Variants in TMEM156 observed in about 807,000 individuals in gnomAD.
TMEM156 encodes transmembrane protein 156.
In TMEM156, 28 loss-of-function variants were observed where a neutral mutation model predicts 30.5. The ratio of observed to expected loss-of-function variants is 0.92; its 90% CI spans 0.68 to 1.26. TMEM156 has a LOEUF of 1.26. Among genes scored for constraint, TMEM156 ranks in the 50% most tolerant of loss-of-function variants. The probability of loss-of-function intolerance (pLI) is 0.00; values close to 1 mark genes in which losing one functional copy is unlikely to be tolerated. For missense variants in TMEM156, 351 were observed against 340.6 expected, an observed-to-expected ratio of 1.03 and a Z score of -0.24; for synonymous variants, 137 against 119.9, an observed-to-expected ratio of 1.14 and a Z score of -0.93.
chr4:39,029,998 A>ATTCAAAAAG lies in TMEM156; in HGVS notation c.88+2227_88+2228insCTTTTTGAA, dbSNP rs1715423140. Reference sequence around the variant, plus strand: ...ACCACTAAATAATGTAAAAGAAGACAGTGGTTTTTGAACATTTTTGTTTGT... The same window carrying ATTCAAAAAG: ...ACCACTAAATAATGTAAAAGAAGACATTCAAAAAGGTGGTTTTTGAACATTTTTGTTTGT... On this transcript the variant is annotated intron_variant, in intron 1 of 6. Transcript: ENST00000381938. Among the ~76,000 whole-genome samples, 7 of 152,218 alleles carry ATTCAAAAAG rather than the reference A, an allele frequency of 4.6e-5. 1 individual carries two copies. In the South Asian group the frequency reaches 1.4e-3, roughly 32 times the overall value.
Position 38,988,178 on chromosome 4 carries a change from T to C in TMEM156, c.739+673A>G, listed in dbSNP as rs578223798. 1.2e-4 allele frequency among the ~76,000 whole-genome samples: 19 copies of C among 152,322 alleles called. No individual in the cohort carries two copies. In the South Asian group the frequency reaches 3.9e-3, roughly 32 times the overall value. ...CCCCATGCTTATTAAAGATCGACTC[T>C]GCCTCACACCCGTCACCTACAGCCA... is the stretch of plus-strand genomic sequence containing the variant. On this transcript the variant is annotated intron_variant, in intron 4 of 6. Transcript: ENST00000381938.
At chr4:39,018,573 C>T (rs763316196) in intron 1 of TMEM156, among the ~76,000 whole-genome samples, 4 of 152,290 alleles carry the variant, frequency 2.6e-5, no homozygotes, top group Admixed American at 2.0e-4. Flanking sequence ...AAATATACAT[C>T]TCACCAATTC....
intron 5 of TMEM156, among the ~76,000 whole-genome samples, chr4:38,974,207 CTTT>C (rs35330425): frequency 6.7e-5 from 9 of 134,088 alleles, no homozygotes; most frequent in African/African-American, 8.2e-5. Flanking sequence ...TTCTTTCTCT[CTTT>C]TTTTTTTTTT....
chr4:39,003,191 T>A (rs1713499790), intron 1 of TMEM156, among the ~76,000 whole-genome samples: 1 of 152,190 alleles, frequency 6.6e-6, no homozygotes, highest in East Asian at 1.9e-4. Flanking sequence ...GAATCACTGG[T>A]GATTTTTGTT....
chr4:38,980,875 GT>G, intron 5 of TMEM156: 1 of 952,474 alleles, frequency 1.0e-6, no homozygotes, highest in Middle Eastern at 5.4e-4. Context: ...ATGTGCACAT[GT>G]TTTACCATCA....
At chr4:39,020,562 A>AT (rs924753688) in intron 1 of TMEM156, among the ~76,000 whole-genome samples, 12 of 150,726 alleles carry the variant, frequency 8.0e-5, no homozygotes, top group South Asian at 2.1e-4. Context: ...AATTTTTTTT[A>AT]TTTTTTTTGA....
At chr4:39,016,386 G>A (rs2566186) in intron 1 of TMEM156, among the ~76,000 whole-genome samples, 64,908 of 129,208 alleles carry the variant, frequency 0.5, 14,559 homozygotes, top group African/African-American at 0.61. Flanking sequence ...AAAAAAAAAA[G>A]AAGAAGAAAG....
At chr4:38,977,565 T>C (rs1722923191) in intron 5 of TMEM156, among the ~76,000 whole-genome samples, 1 of 152,148 alleles carries the variant, frequency 6.6e-6, no homozygotes, top group Non-Finnish European at 1.5e-5. Flanking sequence ...CGGGTGGAAA[T>C]TTTTTCTGGT....
At chr4:39,024,039 A>ATTTG (rs1715044099) in intron 1 of TMEM156, among the ~76,000 whole-genome samples, 1 of 151,998 alleles carries the variant, frequency 6.6e-6, no homozygotes, top group African/African-American at 2.4e-5. Context: ...TTGTTTATTT[A>ATTTG]TTTGTTTGTT....
Position 38,985,454 on chromosome 4 carries a change from C to T in TMEM156, c.823+882G>A, listed in dbSNP as rs1711911446. Among the ~76,000 whole-genome samples, 3 of 152,118 alleles carry T rather than the reference C, an allele frequency of 2.0e-5. No individual in the cohort carries two copies. In the South Asian group the frequency reaches 6.2e-4, roughly 32 times the overall value. On this transcript the variant is annotated intron_variant, in intron 5 of 6. Transcript: ENST00000381938. ...GCTAATTTAAATGGCTAACAAAAGC[C>T]CCCAGTGAACAAAGTCCCCAGTGAA... is the stretch of plus-strand genomic sequence containing the variant.
At chr4:39,024,096 C>A (rs1322468601) in intron 1 of TMEM156, among the ~76,000 whole-genome samples, 1 of 152,154 alleles carries the variant, frequency 6.6e-6, no homozygotes, top group African/African-American at 2.4e-5. Flanking sequence ...CATGAAGTGG[C>A]GCCATCTTGG....
At chr4:39,014,721 G>T (rs1002655615) in intron 1 of TMEM156, among the ~76,000 whole-genome samples, 1 of 143,372 alleles carries the variant, frequency 7.0e-6, no homozygotes, top group Admixed American at 7.3e-5. Flanking sequence ...TTGTACCATT[G>T]CACTACAGCC....
intron 6 of TMEM156, among the ~76,000 whole-genome samples, chr4:38,968,816 G>T (rs1722463569): frequency 6.6e-6 from 1 of 152,100 alleles, no homozygotes; most frequent in African/African-American, 2.4e-5. Context: ...CATCGACGCT[G>T]GATCCCTTTG....
intron 1 of TMEM156, among the ~76,000 whole-genome samples, chr4:39,020,520 G>A (rs567289236): frequency 6.6e-6 from 1 of 152,152 alleles, no homozygotes; most frequent in South Asian, 2.1e-4. Flanking sequence ...ACAGGTGCAT[G>A]TCATTGTGCC....
intron 1 of TMEM156, among the ~76,000 whole-genome samples, chr4:39,021,428 G>GA (rs1714861059): frequency 6.6e-6 from 1 of 151,196 alleles, no homozygotes; most frequent in East Asian, 1.9e-4. Context: ...GAAAAGAAAA[G>GA]AAAAAAATGA....
At chr4:39,026,606 A>C (rs1357404940) in intron 1 of TMEM156, among the ~76,000 whole-genome samples, 1 of 152,108 alleles carries the variant, frequency 6.6e-6, no homozygotes, top group Non-Finnish European at 1.5e-5. Flanking sequence ...CCATTTTAAA[A>C]TTGTAATGAT....
intron 1 of TMEM156, among the ~76,000 whole-genome samples, chr4:39,001,730 A>G (rs1042447127): frequency 6.8e-6 from 1 of 148,088 alleles, no homozygotes; most frequent in African/African-American, 2.5e-5. Flanking sequence ...ATAACGCCGC[A>G]TATCTACAAC....
chr4:38,985,548 T>A (rs1015844045), intron 5 of TMEM156, among the ~76,000 whole-genome samples: 1 of 152,174 alleles, frequency 6.6e-6, no homozygotes, highest in African/African-American at 2.4e-5. Context: ...TTGCTCGGCA[T>A]CCTCCCATTT....
rs1009068518 is a variant in TMEM156, at chr4:39,016,959, G to T, written c.88+15267C>A. Among the ~76,000 whole-genome samples, 4 of 152,220 alleles carry T rather than the reference G, an allele frequency of 2.6e-5. No homozygotes were observed. The East Asian group carries it at 7.7e-4, about 29-fold the overall frequency. On this transcript the variant is annotated intron_variant, in intron 1 of 6. Coordinates refer to ENST00000381938, the MANE Select transcript of TMEM156 (RefSeq NM_024943.3). ...GAGCAAAGAGATGTCTTACATGGTG[G>T]CAGGCAAGCGAACTTGTGCAGGGGA... is the stretch of plus-strand genomic sequence containing the variant.
Sources: gnomAD v4.1 joint callset for allele counts (sites outside exome capture counted in the v4.1 genomes callset) on GRCh38, gnomAD v4.1.1 for gene constraint, MANE v1.5 for transcripts, NCBI Gene and HGNC (gene_info 2026-07-23, HGNC 2026-07-21) for gene names.